The following NTM variants were observed in gnomAD, a reference collection of about 807,000 sequenced individuals.
NTM encodes IgLON family member 2.
In NTM, 13 loss-of-function variants were observed where a neutral mutation model predicts 42.1. The ratio of observed to expected loss-of-function variants is 0.31; its 90% confidence interval spans 0.20 to 0.49. The LOEUF is 0.49. NTM is among the 20% of genes least tolerant of loss of function. The pLI is 0.99. For synonymous variants in NTM, 187 were observed against 179.2 expected, an observed-to-expected ratio of 1.04 and a Z score of -0.35; for missense variants, 373 against 452.8, an observed-to-expected ratio of 0.82 and a Z score of 1.60.
At chr11:132,266,735 G>A (rs1000840837) in intron 4 of NTM, among the ~76,000 whole-genome samples, 2 of 152,190 alleles carry the variant, frequency 1.3e-5, no homozygotes, top group African/African-American at 4.8e-5. Flanking sequence ...GATTTAATAT[G>A]CTCATAACAG....
At chr11:131,872,261 G>A (rs553779976) in intron 1 of NTM, among the ~76,000 whole-genome samples, 1 of 152,276 alleles carries the variant, frequency 6.6e-6, no homozygotes, top group African/African-American at 2.4e-5. Flanking sequence ...AGTCCTCCCT[G>A]GAGTTTTACT....
chr11:132,253,483 G>A (rs1019381421), intron 4 of NTM, among the ~76,000 whole-genome samples: 2 of 152,152 alleles, frequency 1.3e-5, no homozygotes, highest in African/African-American at 2.4e-5. Context: ...GATTTAAAAA[G>A]CAAATAAATT....
At chr11:131,543,434 G>C (rs2053538764) in intron 1 of NTM, among the ~76,000 whole-genome samples, 1 of 152,194 alleles carries the variant, frequency 6.6e-6, no homozygotes, top group Admixed American at 6.5e-5. Context: ...AAGACCCACA[G>C]AAGAGCAGGG....
At chr11:131,856,735 G>A (rs891276450) in intron 1 of NTM, among the ~76,000 whole-genome samples, 11 of 152,194 alleles carry the variant, frequency 7.2e-5, no homozygotes, top group African/African-American at 2.7e-4. Context: ...TTTTATGCAT[G>A]TGTTTGAAAA....
intron 2 of NTM, among the ~76,000 whole-genome samples, chr11:132,017,241 C>T (rs926233605): frequency 2.0e-5 from 3 of 151,904 alleles, no homozygotes; most frequent in Admixed American, 6.6e-5. Context: ...TTTTCTTCTA[C>T]ATTTTCTCCT....
rs2049474420 is a variant in NTM at position 131,881,458 on chromosome 11, G to A, written c.83-30106G>A. Among the ~76,000 whole-genome samples the A allele has an allele frequency of 3.4e-5, 5 of 146,768 alleles. No homozygotes were observed. The South Asian group carries it at 1.1e-3, about 32-fold the overall frequency. ...GGGGATAATAAAATCTACCTAAAAT[G>A]TAATTGTGAGCTCTCAGTTACACAC... On this transcript the variant is annotated intron_variant, in intron 1 of 8. Transcript: ENST00000683400.
At chr11:131,505,649 C>T (rs2136410747) in intron 1 of NTM, among the ~76,000 whole-genome samples, 1 of 152,308 alleles carries the variant, frequency 6.6e-6, no homozygotes, top group Admixed American at 6.5e-5. Flanking sequence ...CCTTCACCAC[C>T]ATGGCAGAGT....
At chr11:131,843,446 A>C (rs2037784) in intron 1 of NTM, among the ~76,000 whole-genome samples, 20,755 of 152,176 alleles carry the variant, frequency 0.14, 1,688 homozygotes, top group African/African-American at 0.22. Flanking sequence ...ATTCCTCTTA[A>C]ATAGACAGAT....
chr11:131,657,165 C>T, intron 1 of NTM, among the ~76,000 whole-genome samples: 1 of 117,362 alleles, frequency 8.5e-6, no homozygotes. Flanking sequence ...AAAAAAAAAT[C>T]ATCGAAATGG....
At chr11:131,508,853 G>C (rs1255581348) in intron 1 of NTM, among the ~76,000 whole-genome samples, 1 of 149,198 alleles carries the variant, frequency 6.7e-6, no homozygotes, top group Non-Finnish European at 1.5e-5. Context: ...CATGGACACA[G>C]GAAGGGGAAT....
chr11:131,557,261 T>G (rs564853586), intron 1 of NTM, among the ~76,000 whole-genome samples: 8 of 152,098 alleles, frequency 5.3e-5, no homozygotes, highest in Non-Finnish European at 1.2e-4. Context: ...AGTTGTTTTG[T>G]GAGTTGGGTA....
chr11:131,574,411 G>A (rs1007858684), intron 1 of NTM, among the ~76,000 whole-genome samples: 1 of 152,084 alleles, frequency 6.6e-6, no homozygotes, highest in African/African-American at 2.4e-5. Flanking sequence ...ATTTTACAGA[G>A]GCATAAATTG....
rs138679380 is a variant in NTM, at chr11:132,313,286, A to AGCCTT, written c.783-1264_783-1260dup. 8.1e-3 allele frequency among the ~76,000 whole-genome samples: 1,239 copies of AGCCTT among 152,102 alleles called. 12 individuals carry two copies. Among genetic ancestry groups the AGCCTT allele is most frequent in the East Asian group, 0.033 (172 of 5,166 alleles). On this transcript the variant is annotated intron_variant, in intron 6 of 8. Transcript: ENST00000683400. ...AAGCATTTCCTCATCATTGTCAAACAGCCTTGAGTACTGTTTGTTTTTCTC... is the reference window on the plus strand; with the variant it reads ...AAGCATTTCCTCATCATTGTCAAACAGCCTTGCCTTGAGTACTGTTTGTTTTTCTC...
intron 1 of NTM, among the ~76,000 whole-genome samples, chr11:131,457,430 G>A (rs1186628240): frequency 6.6e-6 from 1 of 152,186 alleles, no homozygotes; most frequent in Admixed American, 6.5e-5. Context: ...GCAGGTCAGA[G>A]AGAGGCTGGC....
intron 7 of NTM, among the ~76,000 whole-genome samples, chr11:132,315,250 C>T (rs1478548962): frequency 6.6e-6 from 1 of 152,146 alleles, no homozygotes; most frequent in Non-Finnish European, 1.5e-5. Context: ...ACATGAAGAG[C>T]CCCACCTTCG....
At chr11:131,698,949 C>A (rs1398610022) in intron 1 of NTM, among the ~76,000 whole-genome samples, 1 of 152,072 alleles carries the variant, frequency 6.6e-6, no homozygotes, top group Non-Finnish European at 1.5e-5. Context: ...GTCTTTGGAG[C>A]CATGAATGGA....
intron 2 of NTM, among the ~76,000 whole-genome samples, chr11:132,018,765 A>G (rs1451805898): frequency 6.6e-6 from 1 of 151,992 alleles, no homozygotes; most frequent in Non-Finnish European, 1.5e-5. Flanking sequence ...GACTTTTTCT[A>G]TATTTTGGAA....
chr11:132,007,827 C>G (rs992609993), intron 2 of NTM, among the ~76,000 whole-genome samples: 2 of 152,028 alleles, frequency 1.3e-5, no homozygotes, highest in Non-Finnish European at 2.9e-5. Flanking sequence ...TTGCCTTTGT[C>G]CTGGGGGACA....
At chr11:132,029,514 G>A (rs966422805) in intron 2 of NTM, among the ~76,000 whole-genome samples, 1 of 151,934 alleles carries the variant, frequency 6.6e-6, no homozygotes, top group Non-Finnish European at 1.5e-5. Flanking sequence ...GTTGACTTTC[G>A]GTTTGGTCAG....
Sources: gnomAD v4.1 joint callset for allele counts (sites outside exome capture counted in the v4.1 genomes callset) on GRCh38, gnomAD v4.1.1 for gene constraint, MANE v1.5 for transcripts, NCBI Gene and HGNC (gene_info 2026-07-23, HGNC 2026-07-21) for gene names.